The following CSMD1 variants were observed in gnomAD, a reference collection of about 807,000 sequenced individuals.
The protein encoded by CSMD1 is CUB and sushi domain-containing protein 1.
A neutral mutation model predicts 417.5 loss-of-function variants in CSMD1; 213 were observed. The ratio of observed to expected loss-of-function variants is 0.51; its 90% CI spans 0.46 to 0.57. CSMD1 has a LOEUF of 0.57. Among genes scored for constraint, CSMD1 ranks in the 20% least tolerant of loss-of-function variants. CSMD1 has a pLI of 0.00. For missense variants in CSMD1, 6,923 were observed against 4,529.7 expected (o/e 1.53, Z -15.17); for synonymous variants, 2,862 against 1,736.8 (o/e 1.65, Z -16.11).
chr8:3,597,280 C>A (rs901324785), intron 8 of CSMD1, among the ~76,000 whole-genome samples: 13 of 152,114 alleles, frequency 8.5e-5, no homozygotes, highest in African/African-American at 2.9e-4. Context: ...AGAGCATCTC[C>A]CTGGGCTGAT....
intron 6 of CSMD1, among the ~76,000 whole-genome samples, chr8:3,727,748 G>C (rs536089903): frequency 1.3e-5 from 2 of 152,192 alleles, no homozygotes; most frequent in East Asian, 1.9e-4. Flanking sequence ...TAAAGATAAT[G>C]TGATCTGACC....
Position 4,340,581 on chromosome 8 carries a change from C to T in CSMD1, c.415+79372G>A, listed in dbSNP as rs78659772. ...GGGCAATTCAGGGACAAAACCCACC[C>T]TGCTGATTTCTTCACAGTACTCTTG... On this transcript the variant is annotated intron_variant, in intron 3 of 69. Transcript: ENST00000635120. 4.5e-4 allele frequency among the ~76,000 whole-genome samples: 68 copies of T among 152,212 alleles called. No homozygotes were observed. In the East Asian group the frequency reaches 0.01, roughly 23 times the overall value.
intron 3 of CSMD1, among the ~76,000 whole-genome samples, chr8:4,165,117 G>A (rs1326063987): frequency 6.6e-6 from 1 of 152,056 alleles, no homozygotes; most frequent in Non-Finnish European, 1.5e-5. Flanking sequence ...TTCATGTGCT[G>A]GTGCATGCAT....
intron 52 of CSMD1, among the ~76,000 whole-genome samples, chr8:3,001,083 C>T (rs1257167273): frequency 6.6e-6 from 1 of 151,894 alleles, no homozygotes; most frequent in Non-Finnish European, 1.5e-5. Context: ...GGGCTCAAGT[C>T]ATCTTTTGGC....
chr8:4,796,328 G>C (rs185848905), intron 1 of CSMD1, among the ~76,000 whole-genome samples: 10 of 151,914 alleles, frequency 6.6e-5, no homozygotes, highest in African/African-American at 2.2e-4. Flanking sequence ...AGCGACCAAC[G>C]TGATGATCTT....
intron 5 of CSMD1, among the ~76,000 whole-genome samples, chr8:3,756,559 C>T (rs111377139): frequency 6.6e-6 from 1 of 152,072 alleles, no homozygotes; most frequent in Admixed American, 6.6e-5. Flanking sequence ...ATATACATAG[C>T]TAATAGTATC....
chr8:3,125,931 C>T (rs1334318088), intron 41 of CSMD1, among the ~76,000 whole-genome samples: 2 of 152,136 alleles, frequency 1.3e-5, no homozygotes, highest in Non-Finnish European at 2.9e-5. Flanking sequence ...GAGCTGAGAT[C>T]GTGCCACTGC....
chr8:3,406,946 T>G (rs1188533245), intron 14 of CSMD1, among the ~76,000 whole-genome samples: 1 of 152,186 alleles, frequency 6.6e-6, no homozygotes, highest in Non-Finnish European at 1.5e-5. Context: ...ACACAGTTGT[T>G]TTTACTACAC....
intron 10 of CSMD1, among the ~76,000 whole-genome samples, chr8:3,514,355 A>T (rs886749571): frequency 5.3e-5 from 8 of 152,160 alleles, no homozygotes; most frequent in African/African-American, 1.9e-4. Context: ...TGATGTTGTA[A>T]GTCTTCAGGT....
chr8:3,396,240 G>C lies in CSMD1; in HGVS notation c.2547C>G (p.Thr849=). The change falls in exon 17 of 70, where the codon ACC becomes ACG. Residue 849 remains threonine (T), a synonymous_variant. Transcript: ENST00000635120. ...CGATGCTGGAGCGGCTGTTGTCAGT[G>C]GTGAACAGCAGGTACATGAAGTTCC... ...STGNFMYLLF[T]TDNSRSSIGF... The C allele has an allele frequency of 6.3e-7, 1 of 1,575,692 alleles. No individual in the cohort carries two copies. Among genetic ancestry groups the C allele is most frequent in the South Asian group, 1.2e-5 (1 of 85,820 alleles).
intron 1 of CSMD1, chr8:4,787,522 A>T: frequency 1.8e-6 from 2 of 1,116,410 alleles, no homozygotes; most frequent in Non-Finnish European, 2.7e-6. Context: ...TATTATAGGA[A>T]GCAGGTATTA....
intron 7 of CSMD1, among the ~76,000 whole-genome samples, chr8:3,684,150 T>TTATA (rs200992017): frequency 0.14 from 20,190 of 144,240 alleles, 1,675 homozygotes; most frequent in South Asian, 0.21. Context: ...TGCCTATATG[T>TTATA]TATAATTTAT....
chr8:4,228,020 C>A (rs1176534944), intron 3 of CSMD1, among the ~76,000 whole-genome samples: 2 of 151,544 alleles, frequency 1.3e-5, no homozygotes, highest in African/African-American at 4.8e-5. Context: ...GACATACCCT[C>A]CACCCCACAT....
At chr8:4,781,213 G>C (rs1585088315) in intron 1 of CSMD1, among the ~76,000 whole-genome samples, 2 of 152,278 alleles carry the variant, frequency 1.3e-5, no homozygotes, top group Middle Eastern at 6.8e-3. Flanking sequence ...GAAGCCTGAA[G>C]GGCATTATGT....
intron 29 of CSMD1, among the ~76,000 whole-genome samples, chr8:3,216,906 C>G (rs1156896532): frequency 2.0e-5 from 3 of 152,272 alleles, no homozygotes; most frequent in Admixed American, 6.5e-5. Flanking sequence ...AGCACTTGCT[C>G]TGGGCTGCAT....
Position 3,524,004 on chromosome 8 carries a change from C to A in CSMD1, c.1345-30278G>T, listed in dbSNP as rs569011728. ...ACATGCACACCCAGAGACACATATG[C>A]ACACATGTGCACGTGCACACACACA... On this transcript the variant is annotated intron_variant, in intron 10 of 69. Coordinates refer to ENST00000635120, the MANE Select transcript of CSMD1 (RefSeq NM_033225.6). Among the ~76,000 whole-genome samples, 3 of 147,856 alleles carry A rather than the reference C, an allele frequency of 2.0e-5. No individual in the cohort carries two copies. In the South Asian group the frequency reaches 6.5e-4, roughly 32 times the overall value.
intron 9 of CSMD1, among the ~76,000 whole-genome samples, chr8:3,579,357 CTGTT>C (rs1473315739): frequency 6.6e-6 from 1 of 152,080 alleles, no homozygotes; most frequent in Non-Finnish European, 1.5e-5. Flanking sequence ...AATAACTTAT[CTGTT>C]TATTTAAATG....
At chr8:4,747,873 A>G (rs977875308) in intron 1 of CSMD1, among the ~76,000 whole-genome samples, 1 of 152,226 alleles carries the variant, frequency 6.6e-6, no homozygotes, top group Admixed American at 6.5e-5. Flanking sequence ...CATAACACGC[A>G]CCAGGATATC....
At chr8:4,324,100 T>A (rs1799419692) in intron 3 of CSMD1, among the ~76,000 whole-genome samples, 1 of 152,184 alleles carries the variant, frequency 6.6e-6, no homozygotes. Flanking sequence ...ACCTTCCCAA[T>A]GACATCACCT....
Sources: allele counts gnomAD v4.1 joint callset (sites outside exome capture counted in the v4.1 genomes callset), GRCh38; gene constraint gnomAD v4.1.1; transcripts MANE v1.5; gene names NCBI Gene and HGNC (gene_info 2026-07-23, HGNC 2026-07-21).